MYOM2: variants seen among roughly 807,000 people sequenced by gnomAD.
MYOM2 encodes the protein myomesin 2, also known as myomesin-2.
A neutral mutation model predicts 187.6 loss-of-function variants in MYOM2; 254 were observed. That is an observed-to-expected ratio of 1.35 (90% confidence interval 1.22 to 1.50). The LOEUF (loss-of-function observed/expected upper bound fraction) is 1.50. MYOM2 is among the 40% of genes most tolerant of loss of function. The pLI is 0.00. For synonymous variants in MYOM2, 981 were observed against 753.8 expected (o/e 1.30, Z -4.94); for missense variants, 2,796 against 1,924.0 (o/e 1.45, Z -8.48).
Position 2,081,600 on chromosome 8 carries a change from G to A in MYOM2, c.1516+1987G>A, listed in dbSNP as rs561630368. 2.4e-4 allele frequency among the ~76,000 whole-genome samples: 37 copies of A among 152,356 alleles called. 1 individual carries two copies. In the South Asian group the frequency reaches 7.2e-3, roughly 30 times the overall value. On this transcript the variant is annotated intron_variant, in intron 13 of 36. Coordinates refer to ENST00000262113, the MANE Select transcript of MYOM2 (RefSeq NM_003970.4). ...CTTGCTTTATAAATGTCACTTATCT[G>A]TGATGAAATTTGCCTTCTGTAAAGG... is the stretch of plus-strand genomic sequence containing the variant.
At chr8:2,091,016 C>CTTTTTTT (rs35873643) in intron 15 of MYOM2, among the ~76,000 whole-genome samples, 33 of 86,494 alleles carry the variant, frequency 3.8e-4, no homozygotes, top group African/African-American at 9.4e-4. Flanking sequence ...AATGATAGTT[C>CTTTTTTT]TTTTTTTTTT....
rs749365694 is a variant in MYOM2, at chr8:2,140,893, G to T, written c.3964+7G>T. On this transcript the variant is annotated splice_region_variant and intron_variant, in intron 33 of 36. Coordinates refer to ENST00000262113, the MANE Select transcript of MYOM2 (RefSeq NM_003970.4). ...CTTGACCTGTCCGGACAAGGTAAGA[G>T]AATTCTTCTTTAGCATTTAATAATT... The T allele has an allele frequency of 5.0e-6, 8 of 1,597,762 alleles. No individual in the cohort carries two copies. In the East Asian group the frequency reaches 1.3e-4, roughly 27 times the overall value.
At chr8:2,111,662 C>T (rs150034413) in intron 25 of MYOM2, among the ~76,000 whole-genome samples, 1 of 152,290 alleles carries the variant, frequency 6.6e-6, no homozygotes, top group African/African-American at 2.4e-5. Flanking sequence ...ATCTCAGGTC[C>T]CTCTCCTGCT....
intron 13 of MYOM2, among the ~76,000 whole-genome samples, chr8:2,081,540 G>A (rs1470277036): frequency 6.6e-6 from 1 of 152,240 alleles, no homozygotes; most frequent in Non-Finnish European, 1.5e-5. Context: ...TAGGAATCCA[G>A]CCTGGCAAAA....
In MYOM2 at chr8:2,116,262, T is replaced by C; in HGVS notation, c.3372T>C (p.Phe1124=). The C allele has an allele frequency of 6.2e-7, 1 of 1,613,058 alleles. No homozygotes were observed. Among genetic ancestry groups the C allele is most frequent in the Non-Finnish European group, 8.5e-7 (1 of 1,179,474 alleles). The stretch of plus-strand genomic sequence containing the variant: ...AGGCTGAGTTTCAAAGGAAAGAATT[T>C]CTCAGGAAACAAGGTGAGTTTCCTC... ...LEEAEFQRKE[F]LRKQGPHFAE... is the part of the protein sequence containing the mutation. Residue 1124 remains phenylalanine (F), a synonymous_variant, in exon 27 of 37, where the codon TTT becomes TTC. Coordinates refer to ENST00000262113, the MANE Select transcript of MYOM2 (RefSeq NM_003970.4).
chr8:2,078,417 T>C (rs1819508044), intron 11 of MYOM2, among the ~76,000 whole-genome samples: 1 of 152,222 alleles, frequency 6.6e-6, no homozygotes, highest in African/African-American at 2.4e-5. Flanking sequence ...AGGATGCGTC[T>C]AAAATAATTT....
At chr8:2,102,848 T>A in intron 21 of MYOM2, 67 bp downstream of exon 21, 3 of 1,272,002 alleles carry the variant, frequency 2.4e-6, no homozygotes, top group Non-Finnish European at 3.4e-6. Flanking sequence ...GTATTATGGA[T>A]GTATGGATGA....
intron 25 of MYOM2, among the ~76,000 whole-genome samples, chr8:2,114,461 A>G (rs143805046): frequency 1.1e-4 from 16 of 150,266 alleles, no homozygotes; most frequent in African/African-American, 3.9e-4. Context: ...TGCATTATAT[A>G]TGACAAAATT....
rs748058274 is a variant in MYOM2, at chr8:2,092,517, ACAGGTGCGGC to A, written c.2002_2003+8del. ...TGCAACCACAAGCCCATCGGATACA[ACAGGTGCGGC>A]CTCCCTCCCCAGCCCTGGAGTCAGC... is the stretch of plus-strand genomic sequence containing the variant. On this transcript the variant is annotated splice_donor_variant and splice_donor_5th_base_variant and coding_sequence_variant and intron_variant, in exon 16 of 37. Coordinates refer to ENST00000262113, the MANE Select transcript of MYOM2 (RefSeq NM_003970.4). LOFTEE classifies it high-confidence loss of function. 1.9e-5 allele frequency: 30 copies of A among 1,613,714 alleles called. No homozygotes were observed. The highest frequency in any genetic ancestry group is 2.7e-5 in the African/African-American group (2 of 74,902).
chr8:2,138,274 G>C (rs955673664), intron 32 of MYOM2, among the ~76,000 whole-genome samples: 11 of 152,354 alleles, frequency 7.2e-5, no homozygotes, highest in Middle Eastern at 6.8e-3. Context: ...TGGCTGCTGA[G>C]TGCTGGGGCC....
chr8:2,115,371 C>T (rs1292122629), intron 25 of MYOM2, among the ~76,000 whole-genome samples: 1 of 152,180 alleles, frequency 6.6e-6, no homozygotes, highest in Non-Finnish European at 1.5e-5. Flanking sequence ...AAATAGAACA[C>T]ATTCATATGT....
At chr8:2,132,077 C>G (rs769023042) in intron 32 of MYOM2, among the ~76,000 whole-genome samples, 3 of 152,044 alleles carry the variant, frequency 2.0e-5, no homozygotes, top group Non-Finnish European at 4.4e-5. Flanking sequence ...TGACTAAATG[C>G]GTTCTTATTA....
At chr8:2,081,074 T>TGTGGTTTGGTTCTGGC (rs1819608110) in intron 13 of MYOM2, among the ~76,000 whole-genome samples, 3 of 52,020 alleles carry the variant, frequency 5.8e-5, no homozygotes, top group South Asian at 7.7e-4. Context: ...TTGGTTCTGA[T>TGTGGTTTGGTTCTGGC]CTGCGGGAGG....
At chr8:2,116,388 T>A in intron 27 of MYOM2, 113 bp downstream of exon 27, 1 of 1,038,676 alleles carries the variant, frequency 9.6e-7, no homozygotes, top group Non-Finnish European at 1.4e-6. Flanking sequence ...AAGGCTGTTT[T>A]AAATGATTAA....
At chr8:2,097,075 G>T (rs1443140741) in intron 18 of MYOM2, 24 of 971,600 alleles carry the variant, frequency 2.5e-5, no homozygotes, top group Non-Finnish European at 2.9e-5. Flanking sequence ...CTCCCGTCCG[G>T]ACTGTGGGGA....
chr8:2,067,004 T>G (rs541151934), intron 6 of MYOM2, among the ~76,000 whole-genome samples: 1 of 152,198 alleles, frequency 6.6e-6, no homozygotes, highest in African/African-American at 2.4e-5. Flanking sequence ...CTCTGGTGTG[T>G]GATCTGTCCC....
intron 2 of MYOM2, among the ~76,000 whole-genome samples, chr8:2,051,406 GC>G (rs1432240138): frequency 7.2e-5 from 11 of 151,952 alleles, no homozygotes; most frequent in Non-Finnish European, 1.5e-4. Flanking sequence ...GGCAGCTCAC[GC>G]CCCCATGGAC....
chr8:2,140,420 C>T (rs1284365213), intron 32 of MYOM2, among the ~76,000 whole-genome samples: 4 of 148,454 alleles, frequency 2.7e-5, no homozygotes, highest in African/African-American at 1.0e-4. Context: ...TGTAGTAGTT[C>T]TAGCTTTAAT....
intron 6 of MYOM2, among the ~76,000 whole-genome samples, chr8:2,066,592 A>T (rs1819027362): frequency 6.6e-6 from 1 of 152,200 alleles, no homozygotes; most frequent in Non-Finnish European, 1.5e-5. Flanking sequence ...AACAAACAAA[A>T]TGCAGCAATG....
Sources: gnomAD v4.1 joint callset for allele counts (sites outside exome capture counted in the v4.1 genomes callset) on GRCh38, gnomAD v4.1.1 for gene constraint, MANE v1.5 for transcripts, NCBI Gene and HGNC (gene_info 2026-07-23, HGNC 2026-07-21) for gene names.